The following LNP1 variants were observed in gnomAD, a reference collection of about 807,000 sequenced individuals.
The protein encoded by LNP1 is leukemia NUP98 fusion partner 1.
A neutral mutation model predicts 14.5 loss-of-function variants in LNP1; 12 were observed. The observed-to-expected ratio is 0.83, with a 90% CI of 0.53 to 1.34. The LOEUF is 1.34. Ranked by LOEUF, LNP1 falls within the 40% of genes most tolerant of loss-of-function variation. The pLI is 0.00. For synonymous variants in LNP1, 75 were observed against 71.4 expected, an observed-to-expected ratio of 1.05 and a Z score of -0.26; for missense variants, 198 against 210.9, an observed-to-expected ratio of 0.94 and a Z score of 0.38.
Position 100,456,158 on chromosome 3 carries a change from G to A in LNP1, c.*232G>A. The stretch of plus-strand genomic sequence containing the variant: ...CTTAGTTGAGAGTATAATCTGCTTG[G>A]TTGCCTTTTTATGGGAATAAAGAGA... On this transcript the variant is annotated 3_prime_UTR_variant, in exon 4 of 4. Transcript: ENST00000383693. 2.4e-6 allele frequency: 1 copy of A among 408,614 alleles called. No individual in the cohort carries two copies. Among genetic ancestry groups the A allele is most frequent in the East Asian group, 4.1e-5 (1 of 24,532 alleles). 25.3% of individuals were successfully genotyped at this position (408,614 alleles called of 1,614,324 possible).
intron 1 of LNP1, among the ~76,000 whole-genome samples, chr3:100,426,720 A>T (rs1707196449): frequency 6.6e-6 from 1 of 152,208 alleles, no homozygotes; most frequent in Non-Finnish European, 1.5e-5. Flanking sequence ...GGCAAAAATT[A>T]TAGCAAAAAT....
chr3:100,422,182 C>CTT (rs35862297), intron 1 of LNP1, among the ~76,000 whole-genome samples: 9 of 101,606 alleles, frequency 8.9e-5, no homozygotes, highest in Non-Finnish European at 1.4e-4. Flanking sequence ...TTGATAAAGT[C>CTT]TTTTTTTTTT....
intron 2 of LNP1, among the ~76,000 whole-genome samples, chr3:100,441,792 A>G (rs961616332): frequency 1.3e-5 from 2 of 152,012 alleles, no homozygotes; most frequent in African/African-American, 4.8e-5. Flanking sequence ...CCTCCCGAGT[A>G]GCTGGGATTA....
intron 1 of LNP1, among the ~76,000 whole-genome samples, chr3:100,405,341 A>G (rs1304577932): frequency 6.6e-6 from 1 of 152,234 alleles, no homozygotes; most frequent in Non-Finnish European, 1.5e-5. Flanking sequence ...ATATAAGTGA[A>G]AACTCCTAAG....
At chr3:100,435,469 G>A (rs1348518535) in intron 2 of LNP1, among the ~76,000 whole-genome samples, 2 of 152,156 alleles carry the variant, frequency 1.3e-5, no homozygotes, top group Non-Finnish European at 2.9e-5. Context: ...ACAGTGCTTT[G>A]AACAGTGCCT....
chr3:100,430,975 C>T (rs918740791), intron 2 of LNP1, among the ~76,000 whole-genome samples: 3 of 152,192 alleles, frequency 2.0e-5, no homozygotes, highest in Non-Finnish European at 4.4e-5. Context: ...TGAGTGATCT[C>T]TAAGAACCCT....
intron 1 of LNP1, among the ~76,000 whole-genome samples, chr3:100,413,491 A>T (rs1707049868): frequency 6.6e-6 from 1 of 152,186 alleles, no homozygotes; most frequent in Non-Finnish European, 1.5e-5. Flanking sequence ...GCTCATATGT[A>T]TATTTTTATG....
intron 2 of LNP1, among the ~76,000 whole-genome samples, chr3:100,433,160 T>G (rs950539337): frequency 2.0e-5 from 3 of 152,158 alleles, no homozygotes; most frequent in East Asian, 3.8e-4. Flanking sequence ...CAACCCGTCA[T>G]CTAGGTTTTA....
chr3:100,455,637 A>G, intron 3 of LNP1, 140 bp from the exon 4 acceptor site: 1 of 779,682 alleles, frequency 1.3e-6, no homozygotes, highest in Non-Finnish European at 2.1e-6. Flanking sequence ...CCTTAGGTTT[A>G]TGCTAATTTA....
In LNP1 at chr3:100,437,753, A is replaced by G. The variant is rs140182275; in HGVS notation, c.156+7868A>G. On this transcript the variant is annotated intron_variant, in intron 2 of 3. Coordinates refer to ENST00000383693, the MANE Select transcript of LNP1 (RefSeq NM_001085451.2). Reference sequence around the variant, plus strand: ...CCTATAGATTATTATTACTAACTTTATAATAGAATTCTGTTTAAATTGGTA... The same window carrying G: ...CCTATAGATTATTATTACTAACTTTGTAATAGAATTCTGTTTAAATTGGTA... Among the ~76,000 whole-genome samples the G allele has an allele frequency of 2.3e-3, 355 of 152,348 alleles. 3 individuals are homozygous for G. The highest frequency in any genetic ancestry group is 8.3e-3 in the African/African-American group (345 of 41,590).
At chr3:100,436,781 T>C (rs892432477) in intron 2 of LNP1, among the ~76,000 whole-genome samples, 2 of 152,204 alleles carry the variant, frequency 1.3e-5, no homozygotes, top group African/African-American at 4.8e-5. Flanking sequence ...AATGTGATGG[T>C]ATTTGGAAAT....
chr3:100,411,089 G>C (rs773338980), intron 1 of LNP1, among the ~76,000 whole-genome samples: 2 of 152,140 alleles, frequency 1.3e-5, no homozygotes, highest in Non-Finnish European at 2.9e-5. Flanking sequence ...GGGCCTGGGG[G>C]GCAGAGAGTT....
intron 1 of LNP1, among the ~76,000 whole-genome samples, chr3:100,407,233 A>T (rs896556218): frequency 6.6e-6 from 1 of 152,160 alleles, no homozygotes; most frequent in Non-Finnish European, 1.5e-5. Context: ...GTGTCCTTTC[A>T]GCTTGAAGAA....
At chr3:100,414,563 T>C (rs1247172339) in intron 1 of LNP1, among the ~76,000 whole-genome samples, 2 of 149,166 alleles carry the variant, frequency 1.3e-5, no homozygotes, top group Non-Finnish European at 3.0e-5. Context: ...AAAAAAAAAG[T>C]TAATCAAAGG....
chr3:100,419,677 A>G (rs1280474771), intron 1 of LNP1, among the ~76,000 whole-genome samples: 1 of 152,074 alleles, frequency 6.6e-6, no homozygotes, highest in Non-Finnish European at 1.5e-5. Flanking sequence ...CCTCATCTCT[A>G]TGATTGTGTT....
intron 1 of LNP1, among the ~76,000 whole-genome samples, chr3:100,407,052 A>G (rs950401326): frequency 9.9e-5 from 15 of 152,186 alleles, no homozygotes; most frequent in African/African-American, 3.6e-4. Flanking sequence ...GTAGTTATTA[A>G]TTTTAATACT....
At chr3:100,420,230 T>C (rs1353148274) in intron 1 of LNP1, among the ~76,000 whole-genome samples, 2 of 152,218 alleles carry the variant, frequency 1.3e-5, no homozygotes, top group African/African-American at 4.8e-5. Context: ...ACACCATTTG[T>C]ATATCCTTCT....
rs533464320 is a variant in LNP1, at chr3:100,401,591, C to T, written c.-882C>T. On this transcript the variant is annotated 5_prime_UTR_variant, in exon 1 of 4. Coordinates refer to ENST00000383693, the MANE Select transcript of LNP1 (RefSeq NM_001085451.2). The stretch of plus-strand genomic sequence containing the variant: ...CCTCTTGAACCTCTGTGGCCGTTAG[C>T]ACGGTTTTCTGCCCGCGTGCCCGAG... The T allele has an allele frequency of 6.6e-6, 1 of 152,504 alleles. No homozygotes were observed. The highest frequency in any genetic ancestry group is 2.4e-5 in the African/African-American group (1 of 41,574). 9.4% of individuals were successfully genotyped at this position (152,504 alleles called of 1,614,324 possible).
rs1026449615 is a variant in LNP1, at chr3:100,451,911, C to T, written c.349C>T (p.Arg117Trp). Residue 117 changes from arginine to tryptophan, a missense_variant, in exon 3 of 4, where the codon CGG (arginine) becomes TGG (tryptophan). Arg to Trp is a moderately radical substitution (Grantham distance 101). Transcript: ENST00000383693. ...TGAGAAATTTTCAGAGTCCTTTGAACGGCAACTGTGCTTTAGAACCAAGCG... is the reference window on the plus strand; with the variant it reads ...TGAGAAATTTTCAGAGTCCTTTGAATGGCAACTGTGCTTTAGAACCAAGCG... ...KIEKFSESFERQLCFRTKRSA... is the reference protein window; with the variant it reads ...KIEKFSESFEWQLCFRTKRSA... 1.3e-5 allele frequency: 21 copies of T among 1,613,692 alleles called. No individual in the cohort carries two copies. The highest frequency in any genetic ancestry group is 1.6e-4 in the Middle Eastern group (1 of 6,084).
Sources: allele counts gnomAD v4.1 joint callset (sites outside exome capture counted in the v4.1 genomes callset), GRCh38; gene constraint gnomAD v4.1.1; transcripts MANE v1.5; gene names NCBI Gene and HGNC (gene_info 2026-07-23, HGNC 2026-07-21).